ACTL7B: variants seen among roughly 807,000 people sequenced by gnomAD.
ACTL7B encodes the protein actin-like protein 7B.
ACTL7B carries 14 observed loss-of-function variants against 17.5 expected under a neutral mutation model. The ratio of observed to expected loss-of-function variants is 0.80; its 90% CI spans 0.53 to 1.25. ACTL7B has a LOEUF of 1.25. Among genes scored for constraint, ACTL7B ranks in the 50% most tolerant of loss-of-function variants. ACTL7B has a pLI of 0.00. For synonymous variants in ACTL7B, 267 were observed against 252.4 expected (o/e 1.06, Z -0.55); for missense variants, 599 against 573.9 (o/e 1.04, Z -0.45).
chr9:108,855,113 A>G lies in ACTL7B; in HGVS notation c.818T>C (p.Val273Ala). Residue 273 changes from valine to alanine, a missense_variant, in exon 1 of 1, where the codon GTC (valine) becomes GCC (alanine). Val to Ala is a moderately conservative substitution (Grantham distance 64). Coordinates refer to ENST00000374667, the MANE Select transcript of ACTL7B (RefSeq NM_006686.4). ...GTAGTCCACGCGCAGCTCCTCCGGG[A>G]CCAGGCCCAGCTCCTCCTCGGGCAG... ...AFLPEEELGL[V>A]PEELRVDYEL... The G allele has an allele frequency of 6.2e-7, 1 of 1,605,916 alleles. No homozygotes were observed. Among genetic ancestry groups the G allele is most frequent in the South Asian group, 1.1e-5 (1 of 89,456 alleles).
chr9:108,855,485 A>C lies in ACTL7B; in HGVS notation c.446T>G (p.Val149Gly), dbSNP rs1489679947. Residue 149 changes from valine to glycine, a missense_variant, in exon 1 of 1, where the codon GTC (valine) becomes GGC (glycine). Physicochemically the swap from Val to Gly is moderately radical, Grantham distance 109. Transcript: ENST00000374667. Reference protein sequence around the residue: ...KILPEEHAVLVSDPPLSPSSN... With the variant: ...KILPEEHAVLGSDPPLSPSSN... ...GCTGGGGCTGAGCGGAGGGTCGGAG[A>C]CCAGCACAGCGTGCTCCTCGGGGAG... 6.2e-7 allele frequency: 1 copy of C among 1,613,424 alleles called. No individual in the cohort carries two copies. Among genetic ancestry groups the C allele is most frequent in the South Asian group, 1.1e-5 (1 of 91,090 alleles).
In ACTL7B at chr9:108,855,301, G is replaced by A. The variant is rs143167162; in HGVS notation, c.630C>T (p.Ser210=). Residue 210 remains serine, a synonymous_variant, in exon 1 of 1, where the codon TCC becomes TCT. Transcript: ENST00000374667. ...TCAGGCCCGGCAGCACGTCGCCCTC[G>A]GATATGGGCACCACGTGCGAGACGC... The part of the protein sequence containing the change: ...GHGVSHVVPI[S]EGDVLPGLTS... 18 of 1,601,786 alleles carry A rather than the reference G, an allele frequency of 1.1e-5. No individual in the cohort carries two copies. In the African/African-American group the frequency reaches 1.9e-4, roughly 17 times the overall value.
In ACTL7B at chr9:108,855,558, A is replaced by T. The variant is rs1452501937; in HGVS notation, c.373T>A (p.Cys125Ser). ...LKHGIVVDWDCVQDIWEYIFR... is the reference protein window; with the variant it reads ...LKHGIVVDWDSVQDIWEYIFR... ...ATGTACTCCCAGATGTCCTGCACGC[A>T]GTCCCAGTCCACCACGATGCCGTGC... Residue 125 changes from cysteine (C) to serine (S), a missense_variant, in exon 1 of 1, where the codon TGC (cysteine) becomes AGC (serine). Cys to Ser is a moderately radical substitution (Grantham distance 112). Transcript: ENST00000374667. 1 of 1,613,762 alleles carries T rather than the reference A, an allele frequency of 6.2e-7. No individual in the cohort carries two copies. Among genetic ancestry groups the T allele is most frequent in the East Asian group, 2.2e-5 (1 of 44,876 alleles).
chr9:108,854,736 TG>T lies in ACTL7B; in HGVS notation c.1194del (p.Ser399AlafsTer?). On this transcript the variant is annotated frameshift_variant, in exon 1 of 1. Coordinates refer to ENST00000374667, the MANE Select transcript of ACTL7B (RefSeq NM_006686.4). LOFTEE classifies it high-confidence loss of function. The stretch of plus-strand genomic sequence containing the variant: ...CCCCGCTCCTCAAACTCTTCCTTGC[TG>T]ACCCAGAGCTGTTGGAAGGCCTGCA... Reference protein sequence around the residue: ...ASLQAFQQLWVSKEEFEERGS... With the variant: ...ASLQAFQQLWXSKEEFEERGS... The T allele has an allele frequency of 6.5e-7, 1 of 1,544,080 alleles. No homozygotes were observed. The highest frequency in any genetic ancestry group is 8.7e-7 in the Non-Finnish European group (1 of 1,146,632).
rs769353389 is a variant in ACTL7B at position 108,854,707 on chromosome 9, G to C, written c.1224C>G (p.Ser408Arg). The C allele has an allele frequency of 6.6e-7, 1 of 1,516,806 alleles. No individual in the cohort carries two copies. Among genetic ancestry groups the C allele is most frequent in the Non-Finnish European group, 8.8e-7 (1 of 1,131,310 alleles). 94.0% of individuals were successfully genotyped at this position (1,516,806 alleles called of 1,614,324 possible). Reference protein sequence around the residue: ...VSKEEFEERGSVAIYSKC With the variant: ...VSKEEFEERGRVAIYSKC ...CTCAGCACTTGCTGTAGATGGCCAC[G>C]CTGCCCCGCTCCTCAAACTCTTCCT... The change falls in exon 1 of 1, where the codon AGC becomes AGG. Residue 408 changes from serine (S) to arginine (R), a missense_variant. Transcript: ENST00000374667.
Position 108,854,842 on chromosome 9 carries a change from G to A in ACTL7B, c.1089C>T (p.Cys363=), listed in dbSNP as rs765581337. Residue 363 remains cysteine, a synonymous_variant, in exon 1 of 1, where the codon TGC becomes TGT. Transcript: ENST00000374667. ...CAGCCACTGCAGGGCTGTCCCCGGG[G>A]CAGAGGAGGCTCAGCTCCCTCTGGA... ...ERFQRELSLL[C]PGDSPAVAAA... 9 of 1,583,864 alleles carry A rather than the reference G, an allele frequency of 5.7e-6. No individual in the cohort carries two copies. The East Asian group carries it at 6.7e-5, about 12-fold the overall frequency.
rs145110192 is a variant in ACTL7B at position 108,855,477 on chromosome 9, G to A, written c.454C>T (p.Pro152Ser). 37 of 1,613,316 alleles carry A rather than the reference G, an allele frequency of 2.3e-5. No individual in the cohort carries two copies. The highest frequency in any genetic ancestry group is 1.6e-4 in the Middle Eastern group (1 of 6,084). ...CGGTTGCTGCTGGGGCTGAGCGGAG[G>A]GTCGGAGACCAGCACAGCGTGCTCC... The part of the protein sequence containing the change: ...PEEHAVLVSD[P>S]PLSPSSNREK... Residue 152 changes from proline to serine, a missense_variant, in exon 1 of 1, where the codon CCT becomes TCT. By Grantham distance (74) the Pro-to-Ser change is moderately conservative. Transcript: ENST00000374667.
At position 108,855,909 on chromosome 9, in the gene ACTL7B, TG is replaced by T; in HGVS notation, c.21del (p.Met8CysfsTer34). The T allele has an allele frequency of 6.3e-7, 1 of 1,597,942 alleles. No homozygotes were observed. Among genetic ancestry groups the T allele is most frequent in the Admixed American group, 1.7e-5 (1 of 58,208 alleles). On this transcript the variant is annotated frameshift_variant, in exon 1 of 1. Transcript: ENST00000374667. LOFTEE classifies it low-confidence loss of function (END_TRUNC). The stretch of plus-strand genomic sequence containing the variant: ...TCACCCTGAGCCGTGCCCAGGGGCA[TG>T]GGGCTGTTCCTTGTCGCCATCTGCC... MATRNS[P>X]MPLGTAQGDP...
Position 108,855,112 on chromosome 9 carries a change from G to T in ACTL7B, c.819C>A (p.Val273=), listed in dbSNP as rs754951481. Residue 273 remains valine (V), a synonymous_variant, in exon 1 of 1, where the codon GTC becomes GTA. Transcript: ENST00000374667. ...AFLPEEELGL[V]PEELRVDYEL... is the part of the protein sequence containing the mutation. Reference sequence around the variant, plus strand: ...CGTAGTCCACGCGCAGCTCCTCCGGGACCAGGCCCAGCTCCTCCTCGGGCA... The same window carrying T: ...CGTAGTCCACGCGCAGCTCCTCCGGTACCAGGCCCAGCTCCTCCTCGGGCA... 1.9e-5 allele frequency: 31 copies of T among 1,605,550 alleles called. No individual in the cohort carries two copies. Among genetic ancestry groups the T allele is most frequent in the Non-Finnish European group, 2.6e-5 (30 of 1,176,236 alleles).
chr9:108,855,539 T>C lies in ACTL7B; in HGVS notation c.392A>G (p.Glu131Gly). ...VDWDCVQDIW[E>G]YIFRTAMKIL... is the part of the protein sequence containing the mutation. ...CTTCATGGCGGTGCGGAAGATGTAC[T>C]CCCAGATGTCCTGCACGCAGTCCCA... Residue 131 changes from glutamate to glycine, a missense_variant, in exon 1 of 1, where the codon GAG becomes GGG. Transcript: ENST00000374667. 6.2e-7 allele frequency: 1 copy of C among 1,613,630 alleles called. No homozygotes were observed. The highest frequency in any genetic ancestry group is 8.5e-7 in the Non-Finnish European group (1 of 1,180,028).
chr9:108,854,838 C>G lies in ACTL7B; in HGVS notation c.1093G>C (p.Gly365Arg). The G allele has an allele frequency of 1.9e-6, 3 of 1,589,854 alleles. No homozygotes were observed. Among genetic ancestry groups the G allele is most frequent in the Admixed American group, 1.8e-5 (1 of 56,804 alleles). ...GCGGCAGCCACTGCAGGGCTGTCCC[C>G]GGGGCAGAGGAGGCTCAGCTCCCTC... ...FQRELSLLCP[G>R]DSPAVAAAPE... The change falls in exon 1 of 1, where the codon GGG becomes CGG. Residue 365 changes from glycine (G) to arginine (R), a missense_variant. Gly to Arg is a moderately radical substitution (Grantham distance 125). Coordinates refer to ENST00000374667, the MANE Select transcript of ACTL7B (RefSeq NM_006686.4).
In ACTL7B at chr9:108,855,824, G is replaced by C; in HGVS notation, c.107C>G (p.Ala36Gly). The C allele has an allele frequency of 3.1e-6, 5 of 1,611,326 alleles. No homozygotes were observed. Among genetic ancestry groups the C allele is most frequent in the Non-Finnish European group, 4.2e-6 (5 of 1,179,984 alleles). ...PDASLRDTGA[A>G]TQLKMKPRKV... ...CCTGGGCTTCATCTTGAGCTGAGTGGCCGCACCTGTGTCCCGGAGGCTGGC... is the reference window on the plus strand; with the variant it reads ...CCTGGGCTTCATCTTGAGCTGAGTGCCCGCACCTGTGTCCCGGAGGCTGGC... The change falls in exon 1 of 1, where the codon GCC becomes GGC. Residue 36 changes from alanine to glycine, a missense_variant. Transcript: ENST00000374667.
Position 108,854,940 on chromosome 9 carries a change from A to G in ACTL7B, c.991T>C (p.Phe331Leu). ...ACLGRCQDTG[F>L]KEEMAANVLL... is the part of the protein sequence containing the mutation. ...ACGTTGGCGGCCATCTCCTCCTTGAAGCCCGTGTCCTGGCAGCGGCCCAGG... is the reference window on the plus strand; with the variant it reads ...ACGTTGGCGGCCATCTCCTCCTTGAGGCCCGTGTCCTGGCAGCGGCCCAGG... Residue 331 changes from phenylalanine (F) to leucine (L), a missense_variant, in exon 1 of 1, where the codon TTC becomes CTC. Phe to Leu is a conservative substitution (Grantham distance 22, BLOSUM62 0). Transcript: ENST00000374667. 6.6e-7 allele frequency: 1 copy of G among 1,516,378 alleles called. No homozygotes were observed. The highest frequency in any genetic ancestry group is 1.3e-5 in the South Asian group (1 of 75,478). 93.9% of individuals were successfully genotyped at this position (1,516,378 alleles called of 1,614,324 possible). A position where few individuals can be genotyped will look rare whatever the true frequency, so the allele number is the denominator to read the frequency against.
At position 108,855,795 on chromosome 9, in the gene ACTL7B, C is replaced by A. The variant is rs111522075; in HGVS notation, c.136G>T (p.Val46Leu). The A allele has an allele frequency of 3.7e-6, 6 of 1,610,692 alleles. No individual in the cohort carries two copies. Among genetic ancestry groups the A allele is most frequent in the African/African-American group, 2.7e-5 (2 of 75,072 alleles). The change falls in exon 1 of 1, where the codon GTG becomes TTG. Residue 46 changes from valine to leucine, a missense_variant. Val to Leu is a conservative substitution (Grantham distance 32). Coordinates refer to ENST00000374667, the MANE Select transcript of ACTL7B (RefSeq NM_006686.4). ...ATGATGACCGCCTTGATCTTGTGCA[C>A]CTTCCTGGGCTTCATCTTGAGCTGA... ...ATQLKMKPRK[V>L]HKIKAVIIDL...
chr9:108,855,314 A>G lies in ACTL7B; in HGVS notation c.617T>C (p.Val206Ala), dbSNP rs747057126. The change falls in exon 1 of 1, where the codon GTG (valine) becomes GCG (alanine). Residue 206 changes from valine to alanine, a missense_variant. By Grantham distance (64) the Val-to-Ala change is moderately conservative (BLOSUM62 0). Transcript: ENST00000374667. ...VVESGHGVSH[V>A]VPISEGDVLP... ...CACGTCGCCCTCGGATATGGGCACC[A>G]CGTGCGAGACGCCGTGCCCGCTCTC... 8 of 1,603,680 alleles carry G rather than the reference A, an allele frequency of 5.0e-6. No individual in the cohort carries two copies.
In ACTL7B at chr9:108,854,710, G is replaced by T; in HGVS notation, c.1221C>A (p.Gly407=). The T allele has an allele frequency of 6.6e-7, 1 of 1,522,914 alleles. No individual in the cohort carries two copies. Among genetic ancestry groups the T allele is most frequent in the Non-Finnish European group, 8.8e-7 (1 of 1,134,434 alleles). The allele number at this position is 1,522,914 out of a possible 1,614,324, so 94.3% of individuals were successfully genotyped here. The change falls in exon 1 of 1, where the codon GGC becomes GGA. Residue 407 remains glycine, a synonymous_variant. Coordinates refer to ENST00000374667, the MANE Select transcript of ACTL7B (RefSeq NM_006686.4). ...AGCACTTGCTGTAGATGGCCACGCTGCCCCGCTCCTCAAACTCTTCCTTGC... is the reference window on the plus strand; with the variant it reads ...AGCACTTGCTGTAGATGGCCACGCTTCCCCGCTCCTCAAACTCTTCCTTGC... ...WVSKEEFEER[G]SVAIYSKC
chr9:108,855,943 C>T lies in ACTL7B; in HGVS notation c.-13G>A, dbSNP rs370837333. 26 of 1,556,020 alleles carry T rather than the reference C, an allele frequency of 1.7e-5. No individual in the cohort carries two copies. The highest frequency in any genetic ancestry group is 1.1e-4 in the South Asian group (9 of 80,078). ...TCCTTGTCGCCATCTGCCTCCCTTG[C>T]TCCCCTTCTCACATCCACAGCCTAG... On this transcript the variant is annotated 5_prime_UTR_variant, in exon 1 of 1. Coordinates refer to ENST00000374667, the MANE Select transcript of ACTL7B (RefSeq NM_006686.4).
rs2118884936 is a variant in ACTL7B at position 108,854,662 on chromosome 9, T to C, written c.*21A>G. 2 of 1,486,560 alleles carry C rather than the reference T, an allele frequency of 1.3e-6. No homozygotes were observed. Among genetic ancestry groups the C allele is most frequent in the Non-Finnish European group, 1.8e-6 (2 of 1,116,488 alleles). 92.1% of individuals were successfully genotyped at this position (1,486,560 alleles called of 1,614,324 possible). On this transcript the variant is annotated 3_prime_UTR_variant, in exon 1 of 1. Coordinates refer to ENST00000374667, the MANE Select transcript of ACTL7B (RefSeq NM_006686.4). ...CTGTGGCCATCTGTGCTGGAGGCCT[T>C]GTCTGTGGAAATGCCGAGGCTCAGC...
In ACTL7B at chr9:108,855,848, G is replaced by A. The variant is rs768030425; in HGVS notation, c.83C>T (p.Ala28Val). The change falls in exon 1 of 1, where the codon GCC (alanine) becomes GTC (valine). Residue 28 changes from alanine (A) to valine (V), a missense_variant. Transcript: ENST00000374667. Reference sequence around the variant, plus strand: ...GGCCGCACCTGTGTCCCGGAGGCTGGCGTCAGGGCCGGGCCGTGTTCCTGC... The same window carrying A: ...GGCCGCACCTGTGTCCCGGAGGCTGACGTCAGGGCCGGGCCGTGTTCCTGC... ...GEAGTRPGPD[A>V]SLRDTGAATQ... 7.4e-6 allele frequency: 12 copies of A among 1,611,390 alleles called. No homozygotes were observed. Among genetic ancestry groups the A allele is most frequent in the Non-Finnish European group, 1.0e-5 (12 of 1,179,914 alleles).
Sources: gnomAD v4.1 joint callset for allele counts on GRCh38, gnomAD v4.1.1 for gene constraint, MANE v1.5 for transcripts, NCBI Gene and HGNC (gene_info 2026-07-23, HGNC 2026-07-21) for gene names.